DAB1: variants seen among roughly 807,000 people sequenced by gnomAD.
DAB1 encodes disabled homolog 1.
In DAB1, 15 loss-of-function variants were observed where a neutral mutation model predicts 64.6. The ratio of observed to expected loss-of-function variants is 0.23; its 90% CI spans 0.16 to 0.36. The LOEUF (loss-of-function observed/expected upper bound fraction) is 0.36, where lower values mean the gene tolerates loss of function less well. DAB1 is among the 10% of genes least tolerant of loss of function. DAB1 has a pLI of 1.00. For missense variants in DAB1, 596 were observed against 706.7 expected, an observed-to-expected ratio of 0.84 and a Z score of 1.78; for synonymous variants, 235 against 251.9, an observed-to-expected ratio of 0.93 and a Z score of 0.64.
chr1:58,260,111 C>G (rs994730100), intron 4 of DAB1, among the ~76,000 whole-genome samples: 2 of 152,090 alleles, frequency 1.3e-5, no homozygotes, highest in Admixed American at 6.5e-5. Context: ...ATGGCATTCC[C>G]TAAATACAGA....
chr1:57,905,861 T>C (rs1644543180), intron 5 of DAB1, among the ~76,000 whole-genome samples: 1 of 152,156 alleles, frequency 6.6e-6, no homozygotes, highest in African/African-American at 2.4e-5. Flanking sequence ...GGCAGAAATA[T>C]GTAAAGGAGT....
intron 4 of DAB1, among the ~76,000 whole-genome samples, chr1:58,319,187 G>A (rs1003667035): frequency 1.4e-4 from 21 of 152,154 alleles, no homozygotes; most frequent in African/African-American, 4.8e-4. Context: ...TGTCATCTAA[G>A]GCCTTTTGAA....
At chr1:57,080,655 G>A (rs1349314050) in intron 4 of DAB1, among the ~76,000 whole-genome samples, 2 of 151,864 alleles carry the variant, frequency 1.3e-5, no homozygotes, top group African/African-American at 4.8e-5. Context: ...TGTCTAACAG[G>A]CAAAGTGGAG....
rs535713064 is a variant in DAB1 at position 57,621,575 on chromosome 1, G to A, written n.625+28017C>T. Reference sequence around the variant, plus strand: ...TAGGCTGGGGACTCTGAGGCTAGGCGATTGTAAGTTCCTCCGTGGAAAGGT... The same window carrying A: ...TAGGCTGGGGACTCTGAGGCTAGGCAATTGTAAGTTCCTCCGTGGAAAGGT... On this transcript the variant is annotated intron_variant and non_coding_transcript_variant, in intron 7 of 20. Transcript: ENST00000485760. 3.3e-5 allele frequency among the ~76,000 whole-genome samples: 5 copies of A among 152,100 alleles called. No homozygotes were observed. The South Asian group carries it at 1.0e-3, about 32-fold the overall frequency.
intron 3 of DAB1, among the ~76,000 whole-genome samples, chr1:58,457,764 C>T (rs932358577): frequency 3.3e-5 from 5 of 152,242 alleles, no homozygotes; most frequent in African/African-American, 1.2e-4. Context: ...TCTTTTATTT[C>T]CCTCTGTCCC....
chr1:57,855,985 T>C (rs1222526705), intron 1 of DAB1, among the ~76,000 whole-genome samples: 1 of 152,188 alleles, frequency 6.6e-6, no homozygotes, highest in Non-Finnish European at 1.5e-5. Flanking sequence ...GAATATATTC[T>C]AATGATAGAG....
At chr1:57,293,028 A>G (rs1328485500) in intron 1 of DAB1, among the ~76,000 whole-genome samples, 4 of 152,116 alleles carry the variant, frequency 2.6e-5, no homozygotes, top group African/African-American at 9.7e-5. Flanking sequence ...AATTGTATGT[A>G]GAATGAATGA....
At chr1:58,084,786 T>C (rs1398044035) in intron 5 of DAB1, among the ~76,000 whole-genome samples, 2 of 149,094 alleles carry the variant, frequency 1.3e-5, no homozygotes, top group African/African-American at 4.9e-5. Context: ...ATTATATATA[T>C]ATAATTATAT....
chr1:57,086,644 A>AACACACACACACACACAC (rs368060919), intron 4 of DAB1, among the ~76,000 whole-genome samples: 12 of 118,530 alleles, frequency 1.0e-4, no homozygotes, highest in African/African-American at 3.3e-4. Context: ...TTCTGTCTTA[A>AACACACACACACACACAC]ACACACACAC....
intron 3 of DAB1, among the ~76,000 whole-genome samples, chr1:58,376,067 C>T (rs1424983577): frequency 1.3e-5 from 2 of 151,976 alleles, no homozygotes; most frequent in African/African-American, 4.8e-5. Context: ...TTTGATTCTT[C>T]TCTCTTTTTT....
intron 5 of DAB1, among the ~76,000 whole-genome samples, chr1:58,059,750 A>G (rs1387810115): frequency 6.6e-6 from 1 of 152,232 alleles, no homozygotes; most frequent in Non-Finnish European, 1.5e-5. Flanking sequence ...CAGTCTGCCC[A>G]ATAACCTCAT....
intron 7 of DAB1, among the ~76,000 whole-genome samples, chr1:57,621,960 T>C (rs1645864835): frequency 6.6e-6 from 1 of 152,176 alleles, no homozygotes; most frequent in South Asian, 2.1e-4. Flanking sequence ...GCTTTGGCAG[T>C]GGAGTCCAGA....
At chr1:58,305,063 A>G (rs562642162) in intron 4 of DAB1, among the ~76,000 whole-genome samples, 164 of 152,140 alleles carry the variant, frequency 1.1e-3, no homozygotes, top group African/African-American at 3.8e-3. Flanking sequence ...CAATCATAGC[A>G]CACTACAGTC....
rs1300063657 is a variant in DAB1 at position 58,048,837 on chromosome 1, G to A, written n.387+101674C>T. 1.1e-5 allele frequency: 11 copies of A among 1,025,154 alleles called. No individual in the cohort carries two copies. In the African/African-American group the frequency reaches 1.6e-4, roughly 15 times the overall value. 63.5% of individuals were successfully genotyped at this position (1,025,154 alleles called of 1,614,324 possible). On this transcript the variant is annotated intron_variant and non_coding_transcript_variant, in intron 5 of 20. Coordinates refer to the DAB1 transcript ENST00000485760. The stretch of plus-strand genomic sequence containing the variant: ...TATCCACGGAATCATGGTTGTCAAA[G>A]GTTACAAAGGCAAAGCCCCTTTTTC...
chr1:57,548,694 A>G (rs1320139342), intron 7 of DAB1, among the ~76,000 whole-genome samples: 1 of 152,166 alleles, frequency 6.6e-6, no homozygotes, highest in Non-Finnish European at 1.5e-5. Context: ...ATGTTTTTAC[A>G]TAGTGCTGGA....
At chr1:58,506,820 T>C (rs1645997230) in intron 2 of DAB1, among the ~76,000 whole-genome samples, 1 of 152,158 alleles carries the variant, frequency 6.6e-6, no homozygotes, top group South Asian at 2.1e-4. Context: ...CCCAATTTTC[T>C]CAATGTATAT....
intron 1 of DAB1, among the ~76,000 whole-genome samples, chr1:57,342,341 T>C (rs1449488370): frequency 1.3e-5 from 2 of 152,234 alleles, no homozygotes; most frequent in South Asian, 4.1e-4. Context: ...TGCTGTATTA[T>C]AAGAATGTTT....
At chr1:57,623,406 C>T (rs186574041) in intron 7 of DAB1, among the ~76,000 whole-genome samples, 39 of 152,216 alleles carry the variant, frequency 2.6e-4, no homozygotes, top group Admixed American at 1.6e-3. Context: ...CATTACAGTG[C>T]GTTAATTATC....
chr1:57,665,604 G>C (rs970191510), intron 6 of DAB1, among the ~76,000 whole-genome samples: 2 of 152,106 alleles, frequency 1.3e-5, no homozygotes, highest in African/African-American at 4.8e-5. Context: ...CAACTTAAAT[G>C]CCTATTTGTA....
Sources: allele counts gnomAD v4.1 joint callset (sites outside exome capture counted in the v4.1 genomes callset), GRCh38; gene constraint gnomAD v4.1.1; transcripts MANE v1.5; gene names NCBI Gene and HGNC (gene_info 2026-07-23, HGNC 2026-07-21).